FAM161A: variants seen among roughly 807,000 people sequenced by gnomAD.
FAM161A encodes the protein FAM161 centrosomal protein A, also known as protein FAM161A.
FAM161A carries 57 observed loss-of-function variants against 70.9 expected under a neutral mutation model. That is an observed-to-expected ratio of 0.80 (90% CI 0.65 to 1.00). The LOEUF (loss-of-function observed/expected upper bound fraction) is 1.00. FAM161A is among the 50% of genes least tolerant of loss of function. FAM161A has a pLI of 0.00. For synonymous variants in FAM161A, 299 were observed against 295.7 expected (o/e 1.01, Z -0.12); for missense variants, 880 against 836.0 (o/e 1.05, Z -0.65).
chr2:61,836,611 T>C (rs1672783432), intron 4 of FAM161A: 1 of 156,178 alleles, frequency 6.4e-6, no homozygotes, highest in Non-Finnish European at 1.4e-5. Context: ...TCTCATTCTG[T>C]TGCTCAGGCT....
chr2:61,826,499 T>C lies in FAM161A; in HGVS notation c.2107A>G (p.Asn703Asp). The C allele has an allele frequency of 6.2e-7, 1 of 1,608,792 alleles. No individual in the cohort carries two copies. Among genetic ancestry groups the C allele is most frequent in the Non-Finnish European group, 8.5e-7 (1 of 1,176,720 alleles). Reference sequence around the variant, plus strand: ...GATTTCTCTTCTTCACTTTCCTCATTGGCTTCATCTTTTTCCTTGTAAGAA... The same window carrying C: ...GATTTCTCTTCTTCACTTTCCTCATCGGCTTCATCTTTTTCCTTGTAAGAA... ...QDSYKEKDEA[N>D]EESEEEKSVE... Residue 703 changes from asparagine (N) to aspartate (D), a missense_variant, in exon 7 of 7, where the codon AAT (asparagine) becomes GAT (aspartate). Coordinates refer to ENST00000404929, the MANE Select transcript of FAM161A (RefSeq NM_001201543.2).
intron 5 of FAM161A, among the ~76,000 whole-genome samples, chr2:61,832,159 TGCCTGA>T (rs1672598435): frequency 6.6e-6 from 1 of 150,810 alleles, no homozygotes; most frequent in African/African-American, 2.4e-5. Context: ...GTGGGAAGAT[TGCCTGA>T]GCCCAAGGGG....
At chr2:61,829,566 A>G (rs1296847742) in intron 5 of FAM161A, among the ~76,000 whole-genome samples, 1 of 152,224 alleles carries the variant, frequency 6.6e-6, no homozygotes, top group African/African-American at 2.4e-5. Flanking sequence ...GAAGGGCAAA[A>G]TGAGAAATAA....
intron 5 of FAM161A, 29 bp downstream of exon 5, chr2:61,835,981 G>A (rs561899830): frequency 2.8e-5 from 36 of 1,306,598 alleles, no homozygotes; most frequent in Admixed American, 2.0e-4. Flanking sequence ...AAAAACTGAC[G>A]ATAGCTCTTA....
rs765389610 is a variant in FAM161A, at chr2:61,839,409, CTACT to C, written c.1583+8_1583+11del. 8.1e-6 allele frequency: 13 copies of C among 1,614,020 alleles called. No homozygotes were observed. The highest frequency in any genetic ancestry group is 4.4e-5 in the South Asian group (4 of 91,046). ...ACCATGAGTCAGTCAGTACTGCGTC[CTACT>C]TACTTACCTTACGGCTTGTTCTCGT... is the stretch of plus-strand genomic sequence containing the variant. On this transcript the variant is annotated splice_region_variant and intron_variant, in intron 3 of 6. Transcript: ENST00000404929.
At position 61,825,803 on chromosome 2, in the gene FAM161A, A is replaced by G. The variant is rs1278438060; in HGVS notation, c.*652T>C. On this transcript the variant is annotated 3_prime_UTR_variant, in exon 7 of 7. Transcript: ENST00000404929. ...CAGGCGCCCACCACCACGCCTGGCTAATTTTTTGTATTTTTAGTAGAGACG... is the reference window on the plus strand; with the variant it reads ...CAGGCGCCCACCACCACGCCTGGCTGATTTTTTGTATTTTTAGTAGAGACG... The G allele has an allele frequency of 3.6e-5, 15 of 420,806 alleles. No homozygotes were observed. Among genetic ancestry groups the G allele is most frequent in the Non-Finnish European group, 6.6e-5 (14 of 213,120 alleles). The allele number at this position is 420,806 out of a possible 1,614,324, so 26.1% of individuals were successfully genotyped here.
intron 3 of FAM161A, among the ~76,000 whole-genome samples, chr2:61,838,953 G>A (rs1672889635): frequency 6.6e-6 from 1 of 150,982 alleles, no homozygotes; most frequent in Admixed American, 6.6e-5. Flanking sequence ...CGTGATCTCG[G>A]CTCACTGCAA....
At position 61,840,433 on chromosome 2, in the gene FAM161A, TTC is replaced by T; in HGVS notation, c.569_570del (p.Arg190AsnfsTer6). ...ATGAGCTCCTTAGCATAGGTCATCA[TTC>T]TGTTTTTCCTAGGATACTCTTTTTC... ...NLEKEYPRKN[R>X]MMTYAKELIN... On this transcript the variant is annotated frameshift_variant, in exon 3 of 7. Transcript: ENST00000404929. LOFTEE classifies it high-confidence loss of function. 1 of 1,614,060 alleles carries T rather than the reference TTC, an allele frequency of 6.2e-7. No individual in the cohort carries two copies. Among genetic ancestry groups the T allele is most frequent in the Non-Finnish European group, 8.5e-7 (1 of 1,179,998 alleles).
the FAM161A span, among the ~76,000 whole-genome samples, chr2:61,814,641 G>A: frequency 3.3e-5 from 5 of 152,136 alleles, no homozygotes; most frequent in Admixed American, 2.6e-4. Context: ...CTTGAGCCTA[G>A]GAGGTTGAGG....
chr2:61,815,682 C>G, the FAM161A span, among the ~76,000 whole-genome samples: 3 of 151,276 alleles, frequency 2.0e-5, no homozygotes, highest in East Asian at 2.0e-4. Context: ...TCCCAAATAA[C>G]TGGGATTACA....
In FAM161A at chr2:61,842,277, G is replaced by C. The variant is rs150049210; in HGVS notation, c.267C>G (p.His89Gln). ...TCTTGAAATACTCCTCATTAGAGTG[G>C]TGAATATCAGGAAAGTTCACAAAGT... ...YEDFVNFPDI[H>Q]HSNEEYFKKV... is the part of the protein sequence containing the mutation. Residue 89 changes from histidine (H) to glutamine (Q), a missense_variant, in exon 2 of 7, where the codon CAC becomes CAG. By Grantham distance (24) the His-to-Gln change is conservative. Transcript: ENST00000404929. The C allele has an allele frequency of 1.3e-5, 21 of 1,612,766 alleles. No individual in the cohort carries two copies. In the African/African-American group the frequency reaches 2.5e-4, roughly 19 times the overall value.
intron 5 of FAM161A, 101 bp from the exon 6 acceptor site, chr2:61,827,359 C>G (rs1672408899): frequency 2.5e-6 from 3 of 1,200,370 alleles, no homozygotes; most frequent in Non-Finnish European, 3.6e-6. Flanking sequence ...GCCTGTAATC[C>G]CAGTGCTTTG....
the FAM161A span, among the ~76,000 whole-genome samples, chr2:61,802,949 G>A: frequency 6.6e-6 from 1 of 152,162 alleles, no homozygotes; most frequent in African/African-American, 2.4e-5. Context: ...TTAGCAAGAA[G>A]GTAATAGTAG....
At chr2:61,838,512 G>T in intron 4 of FAM161A, 26 bp downstream of exon 4, 1 of 1,587,410 alleles carries the variant, frequency 6.3e-7, no homozygotes, top group Non-Finnish European at 8.6e-7. Flanking sequence ...CCAGTGGTCT[G>T]GAGATTCAAG....
the FAM161A span, among the ~76,000 whole-genome samples, chr2:61,804,771 A>AAAGAAAGAAAG: frequency 8.0e-6 from 1 of 125,450 alleles, no homozygotes; most frequent in Non-Finnish European, 1.8e-5. Flanking sequence ...AAAGAAAGAG[A>AAAGAAAGAAAG]AAGAAAGAAA....
downstream of FAM161A, among the ~76,000 whole-genome samples, chr2:61,823,759 C>T (rs191128715): frequency 1.2e-4 from 18 of 151,602 alleles, no homozygotes; most frequent in African/African-American, 3.9e-4. Context: ...ATTTTCTCTG[C>T]GGAAATAAGT....
chr2:61,825,185 A>G lies in FAM161A; in HGVS notation c.*1270T>C, dbSNP rs778186300. 6.9e-6 allele frequency: 3 copies of G among 437,024 alleles called. No individual in the cohort carries two copies. Among genetic ancestry groups the G allele is most frequent in the South Asian group, 5.1e-5 (3 of 59,124 alleles). 27.1% of individuals were successfully genotyped at this position (437,024 alleles called of 1,614,324 possible). A position where few individuals can be genotyped will look rare whatever the true frequency, so the allele number is the denominator to read the frequency against. On this transcript the variant is annotated 3_prime_UTR_variant, in exon 7 of 7. Coordinates refer to ENST00000404929, the MANE Select transcript of FAM161A (RefSeq NM_001201543.2). The stretch of plus-strand genomic sequence containing the variant: ...AAATGTCTTATGCTATATTATCTTT[A>G]TGATTGGCTTCAAATTTTAAAACAA...
At chr2:61,804,760 AAAAGAAAGAGAAAGAAAGAAAGAAAG>A in the FAM161A span, among the ~76,000 whole-genome samples, 215 of 57,834 alleles carry the variant, frequency 3.7e-3, 1 homozygote, top group African/African-American at 0.015. Flanking sequence ...GAAAGAAAGA[AAAAGAAAGAGAAAGAAAGAAAGAAAG>A]AAAGAAAGAA....
chr2:61,835,974 A>ACC, intron 5 of FAM161A, 36 bp downstream of exon 5: 2 of 1,430,198 alleles, frequency 1.4e-6, no homozygotes, highest in Admixed American at 3.7e-5. Flanking sequence ...AAAAAAAAAA[A>ACC]ACTGACGATA....
Sources: gnomAD v4.1 joint callset for allele counts (sites outside exome capture counted in the v4.1 genomes callset) on GRCh38, gnomAD v4.1.1 for gene constraint, MANE v1.5 for transcripts, NCBI Gene and HGNC (gene_info 2026-07-23, HGNC 2026-07-21) for gene names.